DRG2: variants seen among roughly 807,000 people sequenced by gnomAD.
DRG2 encodes developmentally-regulated GTP-binding protein 2.
Under a neutral mutation model 53.4 loss-of-function variants are expected in DRG2, and 36 were observed. The observed-to-expected ratio is 0.67, with a 90% CI of 0.52 to 0.89. The LOEUF (loss-of-function observed/expected upper bound fraction) is 0.89. DRG2 is among the 40% of genes least tolerant of loss of function. The pLI is 0.00. For synonymous variants in DRG2, 167 were observed against 192.1 expected, an observed-to-expected ratio of 0.87 and a Z score of 1.08; for missense variants, 342 against 481.2, an observed-to-expected ratio of 0.71 and a Z score of 2.71.
chr17:18,101,845 C>A, intron 8 of DRG2, 76 bp from the exon 9 acceptor site: 1 of 1,486,634 alleles, frequency 6.7e-7, no homozygotes, highest in Non-Finnish European at 9.2e-7. Flanking sequence ...CTGCAGCCGG[C>A]ACAGGGCGAT....
rs2045474893 is a variant in DRG2 at position 18,098,706 on chromosome 17, C to T, written c.316-311C>T. On this transcript the variant is annotated intron_variant, in intron 3 of 12. Coordinates refer to ENST00000225729, the MANE Select transcript of DRG2 (RefSeq NM_001388.5). The surrounding 1 kb of genome is among the most constrained non-coding windows in gnomAD (Gnocchi z 4.1). ...GCTTCACTGCCTTGGGCTGTGTTTG[C>T]TTTGGGCAGCTGAGTGGTATGGCCT... Among the ~76,000 whole-genome samples the T allele has an allele frequency of 6.6e-6, 1 of 152,220 alleles. No individual in the cohort carries two copies. The highest frequency in any genetic ancestry group is 6.5e-5 in the Admixed American group (1 of 15,276).
rs2045467185 is a variant in DRG2, at chr17:18,098,267, T to C, written c.226-3T>C. ...TCAGTGCAATGATCTCCTTTTCTCC[T>C]AGTCCACATTCTTGAGTCTGATGAC... On this transcript the variant is annotated splice_polypyrimidine_tract_variant and splice_region_variant and intron_variant, in intron 2 of 12. Coordinates refer to ENST00000225729, the MANE Select transcript of DRG2 (RefSeq NM_001388.5). This position sits in a 1 kb window ranked among gnomAD's most constrained non-coding sequence, Gnocchi z 4.1. 2 of 1,613,202 alleles carry C rather than the reference T, an allele frequency of 1.2e-6. No homozygotes were observed. Among genetic ancestry groups the C allele is most frequent in the African/African-American group, 1.3e-5 (1 of 74,930 alleles).
At chr17:18,106,539 G>C in intron 12 of DRG2, 53 bp downstream of exon 12, 2 of 1,603,364 alleles carry the variant, frequency 1.2e-6, no homozygotes, top group South Asian at 2.2e-5. Context: ...ACAGCCCCTG[G>C]GTTAGGCATG....
intron 7 of DRG2, among the ~76,000 whole-genome samples, chr17:18,101,175 G>A (rs1176417432): frequency 3.3e-5 from 5 of 152,218 alleles, no homozygotes; most frequent in Non-Finnish European, 7.3e-5. Context: ...AGCTGGGTTC[G>A]ACCAGCTTTC....
intron 1 of DRG2, among the ~76,000 whole-genome samples, chr17:18,089,631 T>G (rs2045278693): frequency 6.7e-6 from 1 of 150,026 alleles, no homozygotes; most frequent in African/African-American, 2.5e-5. Context: ...ATATTGGGGG[T>G]GGGGAGGGAC....
At chr17:18,089,731 C>T (rs573605768) in intron 1 of DRG2, among the ~76,000 whole-genome samples, 4 of 152,156 alleles carry the variant, frequency 2.6e-5, no homozygotes, top group African/African-American at 7.2e-5. Flanking sequence ...AAGAAGGAAC[C>T]GGTCACGCAA....
At chr17:18,094,050 C>T in intron 2 of DRG2, 77 bp downstream of exon 2, 1 of 1,543,454 alleles carries the variant, frequency 6.5e-7, no homozygotes, top group Non-Finnish European at 8.8e-7. Flanking sequence ...CCAGGCTCCC[C>T]TCGCTGCCTT....
Position 18,100,571 on chromosome 17 carries a change from C to T in DRG2, c.543C>T (p.Pro181=). ...CCCATCCCTTTCTCCTCTTTCAGCCCAAGAAAGGTGGTGGCATCTCCTTTA... is the reference window on the plus strand; with the variant it reads ...CCCATCCCTTTCTCCTCTTTCAGCCTAAGAAAGGTGGTGGCATCTCCTTTA... The part of the protein sequence containing the change: ...NKHKPNIYFK[P]KKGGGISFNS... The change falls in exon 7 of 13, where the codon CCC becomes CCT. Residue 181 remains proline (P), a splice_region_variant and synonymous_variant. Transcript: ENST00000225729. This position sits in a 1 kb window ranked among gnomAD's most constrained non-coding sequence, Gnocchi z 4.1. 3 of 1,614,206 alleles carry T rather than the reference C, an allele frequency of 1.9e-6. No homozygotes were observed. Among genetic ancestry groups the T allele is most frequent in the Non-Finnish European group, 1.7e-6 (2 of 1,180,022 alleles).
Position 18,099,839 on chromosome 17 carries a change from AG to A in DRG2, c.467+118del. ...CTCTCTCACACGTGAGAGTAGTGGTAGGACTTGTCACAGACTAAACCCAACA... is the reference window on the plus strand; with the variant it reads ...CTCTCTCACACGTGAGAGTAGTGGTAGACTTGTCACAGACTAAACCCAACA... On this transcript the variant is annotated intron_variant, in intron 5 of 12. Coordinates refer to ENST00000225729, the MANE Select transcript of DRG2 (RefSeq NM_001388.5). This position sits in a 1 kb window ranked among gnomAD's most constrained non-coding sequence, Gnocchi z 4.4. 9 of 1,049,968 alleles carry A rather than the reference AG, an allele frequency of 8.6e-6. No individual in the cohort carries two copies. Among genetic ancestry groups the A allele is most frequent in the Non-Finnish European group, 1.3e-5 (9 of 709,384 alleles). 65.0% of individuals were successfully genotyped at this position (1,049,968 alleles called of 1,614,324 possible).
In DRG2 at chr17:18,100,325, G is replaced by A. The variant is rs1425137576; in HGVS notation, c.468-38G>A. On this transcript the variant is annotated intron_variant, in intron 5 of 12. Transcript: ENST00000225729. The surrounding 1 kb of genome is among the most constrained non-coding windows in gnomAD (Gnocchi z 4.1). ...AGGGAAGCTGTGCATCTGGCTCTGT[G>A]GACAGCCTGTGAGGGGCTTAAGGGG... 6.2e-7 allele frequency: 1 copy of A among 1,607,298 alleles called. No homozygotes were observed. The highest frequency in any genetic ancestry group is 1.3e-5 in the African/African-American group (1 of 74,900).
In DRG2 at chr17:18,107,742, A is replaced by T. The variant is rs1363224104; in HGVS notation, c.*502A>T. On this transcript the variant is annotated 3_prime_UTR_variant, in exon 13 of 13. Coordinates refer to ENST00000225729, the MANE Select transcript of DRG2 (RefSeq NM_001388.5). ...CCACACAGGGCTCTCCATGATGGGA[A>T]CCAGTGGTTAGTGGCTTCAAAGGCC... 1 of 171,034 alleles carries T rather than the reference A, an allele frequency of 5.8e-6. No homozygotes were observed. The highest frequency in any genetic ancestry group is 1.3e-5 in the Non-Finnish European group (1 of 78,334). 10.6% of individuals were successfully genotyped at this position (171,034 alleles called of 1,614,324 possible).
chr17:18,097,890 G>A (rs1180740529), intron 2 of DRG2: 1 of 176,010 alleles, frequency 5.7e-6, no homozygotes. Context: ...CAGCATGTCT[G>A]GGTACTGGTT....
chr17:18,104,031 G>A (rs1193265680), intron 10 of DRG2, 142 bp downstream of exon 10: 7 of 777,440 alleles, frequency 9.0e-6, no homozygotes, highest in Non-Finnish European at 1.3e-5. Flanking sequence ...TCCCTTCTCA[G>A]CACTGGGCAC....
rs750606065 is a variant in DRG2 at position 18,100,339 on chromosome 17, G to A, written c.468-24G>A. The A allele has an allele frequency of 2.4e-4, 390 of 1,613,532 alleles. 2 individuals are homozygous for A. The highest frequency in any genetic ancestry group is 5.1e-5 in the Non-Finnish European group (60 of 1,179,674). ...TCTGGCTCTGTGGACAGCCTGTGAG[G>A]GGCTTAAGGGGTACTCTTCCTAGGT... On this transcript the variant is annotated intron_variant, in intron 5 of 12. Coordinates refer to ENST00000225729, the MANE Select transcript of DRG2 (RefSeq NM_001388.5). The surrounding 1 kb of genome is among the most constrained non-coding windows in gnomAD (Gnocchi z 4.1).
Position 18,099,714 on chromosome 17 carries a change from AG to A in DRG2, c.460del (p.Val154CysfsTer42). The A allele has an allele frequency of 1.2e-6, 2 of 1,603,558 alleles. No homozygotes were observed. The highest frequency in any genetic ancestry group is 1.7e-6 in the Non-Finnish European group (2 of 1,176,036). On this transcript the variant is annotated frameshift_variant, in exon 5 of 13. Coordinates refer to ENST00000225729, the MANE Select transcript of DRG2 (RefSeq NM_001388.5). LOFTEE classifies it high-confidence loss of function. This position sits in a 1 kb window ranked among gnomAD's most constrained non-coding sequence, Gnocchi z 4.4. The stretch of plus-strand genomic sequence containing the variant: ...ATGATGCTGGATGCCACCAAGGGAG[AG>A]GTGCAGAGGTCCGCAGGGTGGGGCA... The part of the protein sequence containing the change: ...IIMMLDATKG[E>X]VQRSLLEKEL...
intron 2 of DRG2, among the ~76,000 whole-genome samples, chr17:18,095,032 T>TA: frequency 6.6e-6 from 1 of 151,068 alleles, no homozygotes; most frequent in Non-Finnish European, 1.5e-5. Flanking sequence ...TTGCTCTGTT[T>TA]AGCGTATAAT....
At position 18,099,867 on chromosome 17, in the gene DRG2, C is replaced by T. The variant is rs2045498998; in HGVS notation, c.467+144C>T. On this transcript the variant is annotated intron_variant, in intron 5 of 12. Coordinates refer to ENST00000225729, the MANE Select transcript of DRG2 (RefSeq NM_001388.5). This position sits in a 1 kb window ranked among gnomAD's most constrained non-coding sequence, Gnocchi z 4.4. ...ACTTGTCACAGACTAAACCCAACAC[C>T]ACCCAGCCTATGGCGTCTTCTCCTC... The T allele has an allele frequency of 2.5e-6, 2 of 787,226 alleles. No individual in the cohort carries two copies. The highest frequency in any genetic ancestry group is 1.7e-5 in the African/African-American group (1 of 58,214). The allele number at this position is 787,226 out of a possible 1,614,324, so 48.8% of individuals were successfully genotyped here.
intron 1 of DRG2, 112 bp from the exon 2 acceptor site, chr17:18,093,701 T>A: frequency 7.9e-7 from 1 of 1,258,886 alleles, no homozygotes; most frequent in Non-Finnish European, 1.1e-6. Flanking sequence ...TCTCCTGATC[T>A]CCTTGACAGC....
chr17:18,102,437 A>G (rs2045554007), intron 9 of DRG2, among the ~76,000 whole-genome samples: 2 of 151,984 alleles, frequency 1.3e-5, no homozygotes, highest in South Asian at 4.2e-4. Context: ...CCTGGCCAAC[A>G]TGGTGAAACC....
Sources: allele counts gnomAD v4.1 joint callset (sites outside exome capture counted in the v4.1 genomes callset), GRCh38; gene constraint gnomAD v4.1.1; non-coding constraint Gnocchi (gnomAD v3.1); transcripts MANE v1.5; gene names NCBI Gene and HGNC (gene_info 2026-07-23, HGNC 2026-07-21).